The following SOX6 variants were observed in gnomAD, a reference collection of about 807,000 sequenced individuals.
SOX6 encodes SRY-box transcription factor 6, also known as transcription factor SOX-6.
A neutral mutation model predicts 97.8 loss-of-function variants in SOX6; 11 were observed. The ratio of observed to expected loss-of-function variants is 0.11; its 90% CI spans 0.07 to 0.19. The LOEUF (loss-of-function observed/expected upper bound fraction) is 0.19. SOX6 is among the 10% of genes least tolerant of loss of function. The pLI, the probability that SOX6 is intolerant of heterozygous loss-of-function variation, is 1.00. For missense variants in SOX6, 810 were observed against 1,039.5 expected (o/e 0.78, Z 3.04); for synonymous variants, 360 against 371.4 (o/e 0.97, Z 0.35).
chr11:16,006,253 T>A (rs976135467), intron 13 of SOX6, among the ~76,000 whole-genome samples: 1 of 152,088 alleles, frequency 6.6e-6, no homozygotes, highest in Non-Finnish European at 1.5e-5. Flanking sequence ...ACCTAACTAC[T>A]GCATTTCCAT....
intron 4 of SOX6, among the ~76,000 whole-genome samples, chr11:16,545,714 G>A (rs1847613014): frequency 6.6e-6 from 1 of 152,138 alleles, no homozygotes; most frequent in African/African-American, 2.4e-5. Context: ...CTCCTTGGGA[G>A]GCCAAGCCAG....
chr11:16,110,134 T>A (rs531747479), intron 7 of SOX6, among the ~76,000 whole-genome samples: 4 of 152,288 alleles, frequency 2.6e-5, no homozygotes, highest in Non-Finnish European at 5.9e-5. Context: ...CAAAATTAGG[T>A]AAGCAAGATG....
intron 4 of SOX6, among the ~76,000 whole-genome samples, chr11:16,199,630 C>T (rs999918535): frequency 1.1e-4 from 17 of 152,048 alleles, no homozygotes; most frequent in Non-Finnish European, 1.8e-4. Flanking sequence ...CATTAAAGTA[C>T]GCTGTTGGGA....
At chr11:16,256,995 A>G (rs1294763273) in intron 3 of SOX6, among the ~76,000 whole-genome samples, 1 of 151,878 alleles carries the variant, frequency 6.6e-6, no homozygotes, top group Non-Finnish European at 1.5e-5. Flanking sequence ...TTTGGTATAC[A>G]TTTAATAAAA....
intron 13 of SOX6, among the ~76,000 whole-genome samples, chr11:15,994,737 C>T (rs1854171133): frequency 6.6e-6 from 1 of 152,082 alleles, no homozygotes; most frequent in African/African-American, 2.4e-5. Context: ...TAATGTGATA[C>T]ATGCAAAATA....
intron 1 of SOX6, among the ~76,000 whole-genome samples, chr11:16,389,978 A>AC (rs1858119595): frequency 6.8e-6 from 1 of 147,150 alleles, no homozygotes; most frequent in Admixed American, 6.8e-5. Flanking sequence ...TTAAAAAAAA[A>AC]AAAAAAAAAA....
At chr11:16,202,120 G>T (rs934178959) in intron 4 of SOX6, among the ~76,000 whole-genome samples, 3 of 152,000 alleles carry the variant, frequency 2.0e-5, no homozygotes, top group African/African-American at 7.2e-5. Context: ...TGTAAAAAAT[G>T]AGAGTATTAA....
At chr11:16,622,429 T>TAA (rs1355103193) in intron 3 of SOX6, among the ~76,000 whole-genome samples, 34 of 149,752 alleles carry the variant, frequency 2.3e-4, no homozygotes, top group African/African-American at 7.7e-4. Flanking sequence ...CCTCCCACCC[T>TAA]TTTACCTGAG....
intron 4 of SOX6, among the ~76,000 whole-genome samples, chr11:16,581,137 G>T (rs903464891): frequency 6.6e-6 from 1 of 151,932 alleles, no homozygotes; most frequent in African/African-American, 2.4e-5. Flanking sequence ...TTATAAAAAC[G>T]TATGCACACT....
At chr11:16,327,158 C>T (rs956571019) in intron 2 of SOX6, among the ~76,000 whole-genome samples, 7 of 152,064 alleles carry the variant, frequency 4.6e-5, no homozygotes, top group Non-Finnish European at 7.4e-5. Context: ...AGTCACCAAG[C>T]CTTGCCAAAA....
At position 16,725,800 on chromosome 11, in the gene SOX6, GT is replaced by G. The variant is rs897147430; in HGVS notation, n.353+10538del. On this transcript the variant is annotated intron_variant and non_coding_transcript_variant, in intron 2 of 5. Coordinates refer to the SOX6 transcript ENST00000524520. ...AATTGAAATGTTAGGAAAATTAAGTGTTTTTTATTTATAGATGTTATAGTAT... is the reference window on the plus strand; with the variant it reads ...AATTGAAATGTTAGGAAAATTAAGTGTTTTTATTTATAGATGTTATAGTAT... Among the ~76,000 whole-genome samples, 93 of 152,168 alleles carry G rather than the reference GT, an allele frequency of 6.1e-4. 1 individual carries two copies. In the East Asian group the frequency reaches 0.016, roughly 26 times the overall value.
chr11:16,399,376 A>ATTTTATTTTATTTT (rs1858481582), intron 1 of SOX6, among the ~76,000 whole-genome samples: 1 of 150,986 alleles, frequency 6.6e-6, no homozygotes, highest in African/African-American at 2.4e-5. Context: ...ATTTTATTTT[A>ATTTTATTTTATTTT]AGAAACTGGG....
intron 4 of SOX6, among the ~76,000 whole-genome samples, chr11:16,508,622 T>TA (rs113250792): frequency 0.18 from 26,509 of 148,926 alleles, 2,681 homozygotes; most frequent in Admixed American, 0.31. Flanking sequence ...ACATGAGAGG[T>TA]AAAAAAAAAA....
chr11:16,145,213 C>T (rs576967617), intron 6 of SOX6, among the ~76,000 whole-genome samples: 3 of 152,076 alleles, frequency 2.0e-5, no homozygotes, highest in African/African-American at 4.8e-5. Context: ...AATCAATAAA[C>T]GGAATCCAGC....
chr11:16,585,034 T>C (rs557755270), intron 4 of SOX6, among the ~76,000 whole-genome samples: 9 of 152,270 alleles, frequency 5.9e-5, no homozygotes, highest in African/African-American at 2.2e-4. Flanking sequence ...ATTATGAAAC[T>C]CAAAAATGAA....
rs969964963 is a variant in SOX6 at position 16,471,172 on chromosome 11, A to G, written c.-5+5143T>C. Among the ~76,000 whole-genome samples, 38 of 152,234 alleles carry G rather than the reference A, an allele frequency of 2.5e-4. 1 individual carries two copies. The highest frequency in any genetic ancestry group is 9.1e-4 in the African/African-American group (38 of 41,552). On this transcript the variant is annotated intron_variant, in intron 1 of 15. Transcript: ENST00000396356. ...ATAATTATTTTTCATTAGAGATAAG[A>G]AAAAATCAAATGTGAGATAAGAACA...
intron 4 of SOX6, among the ~76,000 whole-genome samples, chr11:16,551,072 G>A (rs1466708421): frequency 2.0e-5 from 3 of 152,184 alleles, no homozygotes; most frequent in South Asian, 2.1e-4. Flanking sequence ...TTAGCCAGAT[G>A]TGGTAGCACA....
At chr11:16,386,002 T>C (rs1022900243) in intron 1 of SOX6, among the ~76,000 whole-genome samples, 1 of 152,180 alleles carries the variant, frequency 6.6e-6, no homozygotes, top group Non-Finnish European at 1.5e-5. Context: ...TGGAGCCATA[T>C]TGTTCTCTGG....
chr11:15,990,292 T>C (rs1016239862), intron 13 of SOX6, among the ~76,000 whole-genome samples: 1 of 152,102 alleles, frequency 6.6e-6, no homozygotes, highest in Non-Finnish European at 1.5e-5. Context: ...GGTTTTCAAC[T>C]CATATGCAAA....
Sources: allele counts gnomAD v4.1 joint callset (sites outside exome capture counted in the v4.1 genomes callset), GRCh38; gene constraint gnomAD v4.1.1; transcripts MANE v1.5; gene names NCBI Gene and HGNC (gene_info 2026-07-23, HGNC 2026-07-21).